The following KIF20B variants were observed in gnomAD, a reference collection of about 807,000 sequenced individuals.
The protein encoded by KIF20B is kinesin family member 20B, also known as kinesin-like protein KIF20B.
In KIF20B, 188 loss-of-function variants were observed where a neutral mutation model predicts 232.5. That is an observed-to-expected ratio of 0.81 (90% CI 0.72 to 0.91). KIF20B has a LOEUF of 0.91. Among genes scored for constraint, KIF20B ranks in the 40% least tolerant of loss-of-function variants. The probability of loss-of-function intolerance (pLI) is 0.00; values close to 1 mark genes in which losing one functional copy is unlikely to be tolerated. For synonymous variants in KIF20B, 712 were observed against 683.0 expected, an observed-to-expected ratio of 1.04 and a Z score of -0.66; for missense variants, 2,154 against 2,055.9, an observed-to-expected ratio of 1.05 and a Z score of -0.92.
At chr10:89,735,834 G>T (rs937782958) in intron 19 of KIF20B, among the ~76,000 whole-genome samples, 1 of 152,060 alleles carries the variant, frequency 6.6e-6, no homozygotes, top group South Asian at 2.1e-4. Context: ...CACCGTGCCC[G>T]GCCAGAAAGT....
At chr10:89,770,530 G>A (rs187551752) in intron 31 of KIF20B, among the ~76,000 whole-genome samples, 29 of 151,996 alleles carry the variant, frequency 1.9e-4, no homozygotes, top group Non-Finnish European at 3.4e-4. Context: ...TATGTAATCA[G>A]ATAAGGGTAA....
At position 89,717,701 on chromosome 10, in the gene KIF20B, T is replaced by C; in HGVS notation, c.1250T>C (p.Leu417Ser). 6.3e-7 allele frequency: 1 copy of C among 1,596,122 alleles called. No homozygotes were observed. The highest frequency in any genetic ancestry group is 1.2e-5 in the South Asian group (1 of 86,746). ...LLTLGKCINVLKNSEKSKFQQ... is the reference protein window; with the variant it reads ...LLTLGKCINVSKNSEKSKFQQ... ...ACTCTGGGAAAGTGTATTAACGTCTTGAAGAATAGTGAAAAGTCAAAGTAA... is the reference window on the plus strand; with the variant it reads ...ACTCTGGGAAAGTGTATTAACGTCTCGAAGAATAGTGAAAAGTCAAAGTAA... The change falls in exon 11 of 33, where the codon TTG becomes TCG. Residue 417 changes from leucine (L) to serine (S), a missense_variant. Coordinates refer to ENST00000371728, the MANE Select transcript of KIF20B (RefSeq NM_001284259.2).
At chr10:89,740,064 C>T (rs1841762474) in intron 21 of KIF20B, among the ~76,000 whole-genome samples, 1 of 151,954 alleles carries the variant, frequency 6.6e-6, no homozygotes, top group African/African-American at 2.4e-5. Context: ...GTTTATATAC[C>T]AAGTGGGGAA....
Position 89,739,014 on chromosome 10 carries a change from T to G in KIF20B, c.3833T>G (p.Leu1278Arg), listed in dbSNP as rs1231115192. 2 of 1,613,340 alleles carry G rather than the reference T, an allele frequency of 1.2e-6. No homozygotes were observed. Among genetic ancestry groups the G allele is most frequent in the Non-Finnish European group, 1.7e-6 (2 of 1,179,628 alleles). The change falls in exon 21 of 33, where the codon CTT becomes CGT. Residue 1278 changes from leucine (L) to arginine (R), a missense_variant. Transcript: ENST00000371728. ...CGTACCCAGAATCTGAAAGCAGATC[T>G]TCAGAGGAAGGAAGAAGATTATGCT... Reference protein sequence around the residue: ...SARTQNLKADLQRKEEDYADL... With the variant: ...SARTQNLKADRQRKEEDYADL...
At position 89,720,785 on chromosome 10, in the gene KIF20B, A is replaced by C. The variant is rs1359124371; in HGVS notation, c.1722+1079A>C. ...CAATGGCACGATCTCGGCTTACTGC[A>C]ACCTCTGCCTCCTGGGTTCAAGCGA... On this transcript the variant is annotated intron_variant, in intron 13 of 32. Transcript: ENST00000371728. Among the ~76,000 whole-genome samples, 5 of 152,238 alleles carry C rather than the reference A, an allele frequency of 3.3e-5. No homozygotes were observed. In the East Asian group the frequency reaches 9.7e-4, roughly 29 times the overall value.
chr10:89,733,132 A>G, intron 19 of KIF20B, 76 bp downstream of exon 19: 1 of 1,445,364 alleles, frequency 6.9e-7, no homozygotes, highest in African/African-American at 1.4e-5. Flanking sequence ...AGGCAAACAG[A>G]GGGGCATTCA....
intron 25 of KIF20B, among the ~76,000 whole-genome samples, chr10:89,753,326 T>C (rs1381403083): frequency 1.3e-5 from 2 of 152,196 alleles, no homozygotes; most frequent in African/African-American, 4.8e-5. Flanking sequence ...TGCCTCTAAA[T>C]TTTTTAAAAT....
Position 89,709,391 on chromosome 10 carries a change from C to G in KIF20B, c.281C>G (p.Pro94Arg). Reference protein sequence around the residue: ...LDSQTVVLKEPQCILGRLSEK... With the variant: ...LDSQTVVLKERQCILGRLSEK... ...TCACAGACTGTTGTGCTGAAAGAGC[C>G]TCAATGCATCCTTGGTCGGTTAAGT... is the stretch of plus-strand genomic sequence containing the variant. Residue 94 changes from proline (P) to arginine (R), a missense_variant, in exon 4 of 33, where the codon CCT (proline) becomes CGT (arginine). Pro to Arg is a moderately radical substitution (Grantham distance 103). Transcript: ENST00000371728. 1 of 1,613,594 alleles carries G rather than the reference C, an allele frequency of 6.2e-7. No homozygotes were observed. The highest frequency in any genetic ancestry group is 8.5e-7 in the Non-Finnish European group (1 of 1,179,762).
rs753133210 is a variant in KIF20B at position 89,737,770 on chromosome 10, A to T, written c.2929A>T (p.Asn977Tyr). The T allele has an allele frequency of 6.2e-7, 1 of 1,610,696 alleles. No individual in the cohort carries two copies. Among genetic ancestry groups the T allele is most frequent in the Non-Finnish European group, 8.5e-7 (1 of 1,177,442 alleles). Residue 977 changes from asparagine (N) to tyrosine (Y), a missense_variant, in exon 20 of 33, where the codon AAT becomes TAT. Physicochemically the swap from Asn to Tyr is moderately radical, Grantham distance 143 (BLOSUM62 -2). Coordinates refer to ENST00000371728, the MANE Select transcript of KIF20B (RefSeq NM_001284259.2). The part of the protein sequence containing the change: ...EIETATRSIT[N>Y]NVSQIKLMHT... ...AGAAACTGCTACAAGAAGCATTACA[A>T]ATAATGTTTCACAAATAAAATTAAT...
rs138088478 is a variant in KIF20B, at chr10:89,757,069, T to TATATATGTATATATAC, written c.4504-1636_4504-1635insTATATGTATATATACA. On this transcript the variant is annotated intron_variant, in intron 26 of 32. Transcript: ENST00000371728. The stretch of plus-strand genomic sequence containing the variant: ...ATATATATATATATATATATATATA[T>TATATATGTATATATAC]ACACACATGACAATTGCTAGATGAT... 2.2e-5 allele frequency among the ~76,000 whole-genome samples: 3 copies of TATATATGTATATATAC among 134,374 alleles called. No individual in the cohort carries two copies. In the Admixed American group the frequency reaches 2.5e-4, roughly 11 times the overall value. The allele number at this position is 134,374 out of a possible 152,430, so 88.2% of individuals were successfully genotyped here. A position where few individuals can be genotyped will look rare whatever the true frequency, so the allele number is the denominator to read the frequency against.
chr10:89,711,277 AAAAT>A (rs1300845400), intron 6 of KIF20B, 132 bp downstream of exon 6: 3 of 506,210 alleles, frequency 5.9e-6, no homozygotes, highest in African/African-American at 3.9e-5. Flanking sequence ...GTTTTCGAGA[AAAAT>A]AAAGCTTAAA....
intron 23 of KIF20B, among the ~76,000 whole-genome samples, chr10:89,750,029 T>C (rs759842105): frequency 2.0e-5 from 3 of 152,208 alleles, no homozygotes; most frequent in African/African-American, 4.8e-5. Flanking sequence ...TTTGCTTTAT[T>C]TTCCATTTTA....
rs575016028 is a variant in KIF20B, at chr10:89,744,375, T to G, written c.4035+448T>G. On this transcript the variant is annotated intron_variant, in intron 22 of 32. Coordinates refer to ENST00000371728, the MANE Select transcript of KIF20B (RefSeq NM_001284259.2). The stretch of plus-strand genomic sequence containing the variant: ...GATGTTATACTTACTGCTTCACCAG[T>G]ATGAAGTATAAAGTGTCAGGGTCAT... Among the ~76,000 whole-genome samples, 95 of 152,262 alleles carry G rather than the reference T, an allele frequency of 6.2e-4. 2 individuals are homozygous for G. The South Asian group carries it at 0.014, about 23-fold the overall frequency.
At chr10:89,758,329 T>C (rs1842174167) in intron 26 of KIF20B, among the ~76,000 whole-genome samples, 1 of 152,042 alleles carries the variant, frequency 6.6e-6, no homozygotes, top group Non-Finnish European at 1.5e-5. Context: ...TTTGAACCTA[T>C]TGTAAATGGT....
intron 31 of KIF20B, among the ~76,000 whole-genome samples, chr10:89,772,048 A>G (rs1040209330): frequency 3.0e-5 from 4 of 134,122 alleles, no homozygotes; most frequent in South Asian, 2.7e-4. Context: ...TGTTTTTTCT[A>G]TTTAAAAAAA....
At chr10:89,715,296 A>C (rs1842915240) in intron 8 of KIF20B, 114 bp downstream of exon 8, 1 of 675,756 alleles carries the variant, frequency 1.5e-6, no homozygotes, top group African/African-American at 1.9e-5. Flanking sequence ...AATTATTAAC[A>C]TTAAGAGAAG....
intron 15 of KIF20B, among the ~76,000 whole-genome samples, chr10:89,725,493 T>G (rs1372950820): frequency 6.6e-6 from 1 of 152,190 alleles, no homozygotes; most frequent in Non-Finnish European, 1.5e-5. Context: ...GTAAGAGACC[T>G]AAGACGTCAT....
chr10:89,714,077 C>T lies in KIF20B; in HGVS notation c.706C>T (p.Leu236Phe). Residue 236 changes from leucine (L) to phenylalanine (F), a missense_variant, in exon 7 of 33, where the codon CTT becomes TTT. Transcript: ENST00000371728. ...TGTGCATAATGATAGTGATGATACT[C>T]TTTATGGTAAGGTTTCGTTGCTCAC... ...VTVHNDSDDT[L>F]YGSLTNSLNI... 1.4e-6 allele frequency: 2 copies of T among 1,447,084 alleles called. No individual in the cohort carries two copies. Among genetic ancestry groups the T allele is most frequent in the Non-Finnish European group, 9.3e-7 (1 of 1,076,088 alleles). The allele number at this position is 1,447,084 out of a possible 1,614,324, so 89.6% of individuals were successfully genotyped here.
rs138080365 is a variant in KIF20B, at chr10:89,746,321, C to T, written c.4096+362C>T. On this transcript the variant is annotated intron_variant, in intron 23 of 32. Coordinates refer to ENST00000371728, the MANE Select transcript of KIF20B (RefSeq NM_001284259.2). The stretch of plus-strand genomic sequence containing the variant: ...CTGGAAAAATCGGATCACACATGGG[C>T]GTGTAGAAGGTTTTATTGAGTGGAG... Among the ~76,000 whole-genome samples, 721 of 152,212 alleles carry T rather than the reference C, an allele frequency of 4.7e-3. 3 individuals carry two copies. The highest frequency in any genetic ancestry group is 0.017 in the African/African-American group (692 of 41,510).
Sources: allele counts gnomAD v4.1 joint callset (sites outside exome capture counted in the v4.1 genomes callset), GRCh38; gene constraint gnomAD v4.1.1; transcripts MANE v1.5; gene names NCBI Gene and HGNC (gene_info 2026-07-23, HGNC 2026-07-21).